PRPF18: variants seen among roughly 807,000 people sequenced by gnomAD.
PRPF18 encodes pre-mRNA-splicing factor 18.
Under a neutral mutation model 46.5 loss-of-function variants are expected in PRPF18, and 38 were observed. The ratio of observed to expected loss-of-function variants is 0.82; its 90% CI spans 0.63 to 1.07. PRPF18 has a LOEUF of 1.07. Among genes scored for constraint, PRPF18 ranks in the 50% least tolerant of loss-of-function variants. PRPF18 has a pLI of 0.00. For missense variants in PRPF18, 263 were observed against 410.0 expected (o/e 0.64, Z 3.10); for synonymous variants, 152 against 146.7 (o/e 1.04, Z -0.26).
the PRPF18 span, chr10:13,644,886 A>G: frequency 6.6e-6 from 1 of 152,286 alleles, no homozygotes; most frequent in African/African-American, 2.4e-5. Context: ...GAATCATTTA[A>G]TAATGTAACC....
chr10:13,633,581 C>T (rs150154743), downstream of PRPF18, among the ~76,000 whole-genome samples: 1,897 of 152,234 alleles, frequency 0.012, 10 homozygotes, highest in Middle Eastern at 0.031. Context: ...CCCCGCCTAC[C>T]CTGCCCCACC....
chr10:13,620,944 G>A (rs768984818), intron 9 of PRPF18, among the ~76,000 whole-genome samples: 40 of 152,290 alleles, frequency 2.6e-4, no homozygotes, highest in Admixed American at 5.9e-4. Flanking sequence ...TCAAGTCCAG[G>A]GTTAGGTAGA....
intron 9 of PRPF18, among the ~76,000 whole-genome samples, chr10:13,618,716 G>A (rs899504794): frequency 1.3e-5 from 2 of 151,648 alleles, no homozygotes; most frequent in African/African-American, 4.9e-5. Flanking sequence ...CTTAGTGTAG[G>A]TTCTCCAGGG....
chr10:13,619,729 G>C (rs1038035049), intron 9 of PRPF18, among the ~76,000 whole-genome samples: 5 of 152,082 alleles, frequency 3.3e-5, no homozygotes, highest in African/African-American at 1.2e-4. Context: ...CTGAGTGTCA[G>C]TGATGCTTGG....
rs374941677 is a variant in PRPF18, at chr10:13,616,068, A to G, written c.793-330A>G. ...GGAGACCAAAACTAGAATTTTCATC[A>G]GTGCATTGAAGTGCCTACCTGGTAA... On this transcript the variant is annotated intron_variant, in intron 8 of 9. Transcript: ENST00000378572. Among the ~76,000 whole-genome samples, 8 of 152,336 alleles carry G rather than the reference A, an allele frequency of 5.3e-5. No homozygotes were observed. The South Asian group carries it at 1.0e-3, about 20-fold the overall frequency.
chr10:13,625,465 ATAAAGT>A (rs923563525), intron 9 of PRPF18, among the ~76,000 whole-genome samples: 3 of 152,246 alleles, frequency 2.0e-5, no homozygotes, highest in African/African-American at 7.2e-5. Flanking sequence ...GGGTTAGAAG[ATAAAGT>A]TGAAATATGA....
chr10:13,612,764 C>A (rs2080289604), intron 6 of PRPF18, among the ~76,000 whole-genome samples: 1 of 151,832 alleles, frequency 6.6e-6, no homozygotes, highest in Non-Finnish European at 1.5e-5. Context: ...CATGTACCAC[C>A]ATGCCCAGCT....
At chr10:13,620,650 G>A (rs1485717453) in intron 9 of PRPF18, among the ~76,000 whole-genome samples, 1 of 152,122 alleles carries the variant, frequency 6.6e-6, no homozygotes, top group Admixed American at 6.5e-5. Flanking sequence ...AGTTTTGCCT[G>A]TTCTTGAGCA....
At chr10:13,595,630 C>T (rs1227942187) in intron 1 of PRPF18, among the ~76,000 whole-genome samples, 2 of 152,176 alleles carry the variant, frequency 1.3e-5, no homozygotes, top group South Asian at 2.1e-4. Context: ...ACCTAATTCT[C>T]AGCGTTCTCA....
chr10:13,641,463 T>G, the PRPF18 span: 2 of 152,166 alleles, frequency 1.3e-5, no homozygotes, highest in Admixed American at 1.3e-4. Context: ...GGGATAAATA[T>G]CAGTCTCATC....
At chr10:13,649,702 G>A in the PRPF18 span, 1 of 152,182 alleles carries the variant, frequency 6.6e-6, no homozygotes, top group East Asian at 1.9e-4. Flanking sequence ...TCTCAAGTCT[G>A]GGGAAGAGAC....
At position 13,630,437 on chromosome 10, in the gene PRPF18, G is replaced by T; in HGVS notation, c.*97G>T. The T allele has an allele frequency of 1.0e-6, 1 of 986,802 alleles. No individual in the cohort carries two copies. The highest frequency in any genetic ancestry group is 1.5e-6 in the Non-Finnish European group (1 of 662,984). The allele number at this position is 986,802 out of a possible 1,614,324, so 61.1% of individuals were successfully genotyped here. On this transcript the variant is annotated 3_prime_UTR_variant, in exon 10 of 10. Coordinates refer to ENST00000378572, the MANE Select transcript of PRPF18 (RefSeq NM_003675.4). ...CAGGAATGAGGAAAGAAGAAAACTG[G>T]AGTTTCCAGTCTCTGAGTTCTACCT...
chr10:13,615,989 A>G, intron 8 of PRPF18, among the ~76,000 whole-genome samples: 1 of 152,082 alleles, frequency 6.6e-6, no homozygotes, highest in Admixed American at 6.5e-5. Flanking sequence ...ACGATGAAAA[A>G]CTACTTAGCC....
At position 13,591,556 on chromosome 10, in the gene PRPF18, T is replaced by G. The variant is rs115267997; in HGVS notation, c.66+4404T>G. On this transcript the variant is annotated intron_variant, in intron 1 of 9. Coordinates refer to ENST00000378572, the MANE Select transcript of PRPF18 (RefSeq NM_003675.4). ...GAATAGCTTTGATTTTTGGTAAAAT[T>G]TGTGACTCCACAGCTTTCTGATCAA... The G allele has an allele frequency of 1.7e-3, 1,190 of 719,034 alleles. 14 individuals carry two copies. The African/African-American group carries it at 0.019, about 12-fold the overall frequency. The allele number at this position is 719,034 out of a possible 1,614,324, so 44.5% of individuals were successfully genotyped here. A position where few individuals can be genotyped will look rare whatever the true frequency, so the allele number is the denominator to read the frequency against.
chr10:13,607,367 G>T lies in PRPF18; in HGVS notation c.363+1623G>T, dbSNP rs183394101. Among the ~76,000 whole-genome samples the T allele has an allele frequency of 6.6e-5, 10 of 152,248 alleles. No individual in the cohort carries two copies. The East Asian group carries it at 1.7e-3, about 26-fold the overall frequency. Reference sequence around the variant, plus strand: ...TGTGACTATTTTCTTGTAGTTTAGGGCTTACCTGTTCTCTTAATTGAATCT... The same window carrying T: ...TGTGACTATTTTCTTGTAGTTTAGGTCTTACCTGTTCTCTTAATTGAATCT... On this transcript the variant is annotated intron_variant, in intron 4 of 9. Coordinates refer to ENST00000378572, the MANE Select transcript of PRPF18 (RefSeq NM_003675.4).
downstream of PRPF18, among the ~76,000 whole-genome samples, chr10:13,635,638 T>C (rs1372718078): frequency 6.6e-6 from 1 of 152,240 alleles, no homozygotes; most frequent in Non-Finnish European, 1.5e-5. Context: ...TGCATTTCTC[T>C]AATGATCAGT....
At chr10:13,599,189 C>G (rs2080073031) in intron 2 of PRPF18, among the ~76,000 whole-genome samples, 1 of 151,998 alleles carries the variant, frequency 6.6e-6, no homozygotes, top group African/African-American at 2.4e-5. Context: ...TCCTTTTATT[C>G]TTTTGTAGAA....
chr10:13,593,157 C>T (rs1413622131), intron 1 of PRPF18, among the ~76,000 whole-genome samples: 9 of 152,122 alleles, frequency 5.9e-5, no homozygotes. Flanking sequence ...ACATGGGAGA[C>T]ATTGGAAAAT....
At chr10:13,646,577 C>T in the PRPF18 span, 1 of 152,352 alleles carries the variant, frequency 6.6e-6, no homozygotes, top group Non-Finnish European at 1.5e-5. Flanking sequence ...TAACTCAAGT[C>T]CCCTTTCCCG....
Sources: allele counts gnomAD v4.1 joint callset (sites outside exome capture counted in the v4.1 genomes callset), GRCh38; gene constraint gnomAD v4.1.1; transcripts MANE v1.5; gene names NCBI Gene and HGNC (gene_info 2026-07-23, HGNC 2026-07-21).